The following ARRB2 variants were observed in gnomAD, a reference collection of about 807,000 sequenced individuals.
The protein encoded by ARRB2 is arrestin beta 2.
A neutral mutation model predicts 53.4 loss-of-function variants in ARRB2; 21 were observed. The observed-to-expected ratio is 0.39, with a 90% CI of 0.28 to 0.57. The LOEUF (loss-of-function observed/expected upper bound fraction) is 0.57, where lower values mean the gene tolerates loss of function less well. Ranked by LOEUF, ARRB2 falls within the 20% of genes least tolerant of loss-of-function variation. ARRB2 has a pLI of 0.55. For synonymous variants in ARRB2, 180 were observed against 212.9 expected, an observed-to-expected ratio of 0.85 and a Z score of 1.34; for missense variants, 369 against 527.5, an observed-to-expected ratio of 0.70 and a Z score of 2.94.
chr17:4,717,103 G>A lies in ARRB2; in HGVS notation c.358-114G>A, dbSNP rs1253289814. The A allele has an allele frequency of 2.4e-6, 3 of 1,224,848 alleles. No individual in the cohort carries two copies. The highest frequency in any genetic ancestry group is 3.6e-6 in the Non-Finnish European group (3 of 832,998). 75.9% of individuals were successfully genotyped at this position (1,224,848 alleles called of 1,614,324 possible). On this transcript the variant is annotated intron_variant, in intron 5 of 14. Coordinates refer to ENST00000269260, the MANE Select transcript of ARRB2 (RefSeq NM_004313.4). The surrounding 1 kb of genome is among the most constrained non-coding windows in gnomAD (Gnocchi z 6.0). ...CCCACCTTAGCCTTCCAAAGTGTTG[G>A]GATTACAGGCATGAGCCACCACACC...
At position 4,715,007 on chromosome 17, in the gene ARRB2, T is replaced by C; in HGVS notation, c.24-6T>C. On this transcript the variant is annotated splice_polypyrimidine_tract_variant and splice_region_variant and intron_variant, in intron 1 of 14. Transcript: ENST00000269260. ...GGCAGTGGGGTTTCCCTTTCTGTTT[T>C]GTTAGGGTCTTCAAGAAGTCGAGCC... 6.2e-7 allele frequency: 1 copy of C among 1,600,604 alleles called. No individual in the cohort carries two copies. The highest frequency in any genetic ancestry group is 8.5e-7 in the Non-Finnish European group (1 of 1,173,198).
rs1915204997 is a variant in ARRB2, at chr17:4,717,624, A to G, written c.418-61A>G. The G allele has an allele frequency of 2.5e-6, 4 of 1,605,064 alleles. No individual in the cohort carries two copies. The highest frequency in any genetic ancestry group is 2.2e-5 in the South Asian group (2 of 90,882). ...CCGAGAGGAGGGAAGGGGGAGGAAG[A>G]AAGGGCAGTGATGGTGGCGGGAGCC... On this transcript the variant is annotated intron_variant, in intron 6 of 14. Transcript: ENST00000269260. This position sits in a 1 kb window ranked among gnomAD's most constrained non-coding sequence, Gnocchi z 6.0.
chr17:4,715,928 T>G, intron 2 of ARRB2, 45 bp from the exon 3 acceptor site: 2 of 1,612,656 alleles, frequency 1.2e-6, no homozygotes, highest in Non-Finnish European at 1.7e-6. Flanking sequence ...CGATGCCCTG[T>G]CACCATCCTC....
chr17:4,720,543 CT>C (rs1392376070), intron 13 of ARRB2, 42 bp from the exon 14 acceptor site: 4 of 1,572,518 alleles, frequency 2.5e-6, no homozygotes, highest in Non-Finnish European at 2.6e-6. Flanking sequence ...AAAACTGGCC[CT>C]TCCAGCACCC....
At chr17:4,715,556 CACACACACACGG>C (rs1308158544) in intron 2 of ARRB2, 1 of 219,050 alleles carries the variant, frequency 4.6e-6, no homozygotes, top group African/African-American at 2.8e-5. Flanking sequence ...AGGATGCAAA[CACACACACACGG>C]ACACACACAC....
At position 4,717,850 on chromosome 17, in the gene ARRB2, G is replaced by A. The variant is rs1597483508; in HGVS notation, c.486-38G>A. On this transcript the variant is annotated intron_variant, in intron 7 of 14. Transcript: ENST00000269260. This position sits in a 1 kb window ranked among gnomAD's most constrained non-coding sequence, Gnocchi z 6.0. The stretch of plus-strand genomic sequence containing the variant: ...CGGGGGAGGAGTAGGGTTGGGGTGT[G>A]TGAGGAATGACCCCTCCTGCCCCTA... 1 of 1,613,986 alleles carries A rather than the reference G, an allele frequency of 6.2e-7. No individual in the cohort carries two copies. Among genetic ancestry groups the A allele is most frequent in the South Asian group, 1.1e-5 (1 of 91,084 alleles).
intron 2 of ARRB2, chr17:4,715,694 GACACACACACACACAC>G (rs150787978): frequency 2.3e-6 from 1 of 443,146 alleles, no homozygotes; most frequent in Non-Finnish European, 4.1e-6. Context: ...GTTGGCTGAG[GACACACACACACACAC>G]ACACACACAC....
At chr17:4,712,410 G>A (rs1914498322) in intron 1 of ARRB2, among the ~76,000 whole-genome samples, 1 of 152,226 alleles carries the variant, frequency 6.6e-6, no homozygotes, top group African/African-American at 2.4e-5. Context: ...CCAAAGGCCA[G>A]GGTCATTGCT....
intron 11 of ARRB2, among the ~76,000 whole-genome samples, chr17:4,719,832 C>T (rs1425154034): frequency 6.6e-6 from 1 of 152,120 alleles, no homozygotes; most frequent in East Asian, 1.9e-4. Context: ...TCCCCAGCTT[C>T]ACAAAGGGCT....
chr17:4,720,673 G>A, intron 14 of ARRB2, 33 bp downstream of exon 14: 6 of 1,503,056 alleles, frequency 4.0e-6, no homozygotes, highest in Non-Finnish European at 5.4e-6. Flanking sequence ...TGACCCTCTT[G>A]GGACAAAGAT....
chr17:4,713,021 C>G (rs1914582300), intron 1 of ARRB2, among the ~76,000 whole-genome samples: 1 of 152,198 alleles, frequency 6.6e-6, no homozygotes, highest in Admixed American at 6.5e-5. Flanking sequence ...CAAAGTCTTG[C>G]TCTGTCACCC....
chr17:4,715,139 C>G, intron 2 of ARRB2, 96 bp downstream of exon 2: 3 of 1,392,432 alleles, frequency 2.2e-6, no homozygotes, highest in Non-Finnish European at 2.9e-6. Context: ...AAAGATGATC[C>G]CCAACCCCTA....
chr17:4,715,586 C>CACACAT (rs576766824), intron 2 of ARRB2: 2 of 322,606 alleles, frequency 6.2e-6, no homozygotes, highest in South Asian at 2.9e-5. Flanking sequence ...CACACACACA[C>CACACAT]GGACACACAC....
chr17:4,715,506 CAT>C (rs58644517), intron 2 of ARRB2: 5,614 of 209,076 alleles, frequency 0.027, 437 homozygotes, highest in South Asian at 0.043. Flanking sequence ...CACATACACA[CAT>C]ACACACACAC....
Position 4,719,384 on chromosome 17 carries a change from T to G in ARRB2, c.881T>G (p.Leu294Arg). ...CGGGGTCTCGCCCTGGATGGGAAAC[T>G]CAAGCACGAGGACACCAACCTGGCT... ...EKRGLALDGK[L>R]KHEDTNLASS... The change falls in exon 11 of 15, where the codon CTC (leucine) becomes CGC (arginine). Residue 294 changes from leucine to arginine, a missense_variant. Coordinates refer to ENST00000269260, the MANE Select transcript of ARRB2 (RefSeq NM_004313.4). 2 of 1,614,014 alleles carry G rather than the reference T, an allele frequency of 1.2e-6. No homozygotes were observed. The highest frequency in any genetic ancestry group is 1.7e-6 in the Non-Finnish European group (2 of 1,179,984).
At chr17:4,719,769 T>G (rs1164592005) in intron 11 of ARRB2, among the ~76,000 whole-genome samples, 1 of 151,818 alleles carries the variant, frequency 6.6e-6, no homozygotes. Flanking sequence ...GCCTGGGGTG[T>G]TGGAGGAATG....
chr17:4,715,721 A>ACACAAG, intron 2 of ARRB2: 1 of 367,292 alleles, frequency 2.7e-6, no homozygotes, highest in South Asian at 2.5e-5. Flanking sequence ...ACACACACAC[A>ACACAAG]CACAAACACA....
chr17:4,715,161 C>A, intron 2 of ARRB2, 118 bp downstream of exon 2: 1 of 1,183,656 alleles, frequency 8.4e-7, no homozygotes, highest in African/African-American at 1.5e-5. Context: ...CTCCCCACTT[C>A]CTGTGACAGC....
In ARRB2 at chr17:4,717,885, C is replaced by T. The variant is rs1218002804; in HGVS notation, c.486-3C>T. The T allele has an allele frequency of 5.0e-6, 8 of 1,614,086 alleles. No homozygotes were observed. The highest frequency in any genetic ancestry group is 6.8e-6 in the Non-Finnish European group (8 of 1,180,030). On this transcript the variant is annotated splice_polypyrimidine_tract_variant and splice_region_variant and intron_variant, in intron 7 of 14. Coordinates refer to ENST00000269260, the MANE Select transcript of ARRB2 (RefSeq NM_004313.4). The surrounding 1 kb of genome is among the most constrained non-coding windows in gnomAD (Gnocchi z 6.0). ...ACCCCTCCTGCCCCTACTCTGATCC[C>T]AGGAACTCTGTGCGGCTGGTGATCC... is the stretch of plus-strand genomic sequence containing the variant.
Sources: gnomAD v4.1 joint callset for allele counts (sites outside exome capture counted in the v4.1 genomes callset) on GRCh38, gnomAD v4.1.1 for gene constraint, Gnocchi (gnomAD v3.1) non-coding constraint, MANE v1.5 for transcripts, NCBI Gene and HGNC (gene_info 2026-07-23, HGNC 2026-07-21) for gene names.